COL21A1: variants seen among roughly 807,000 people sequenced by gnomAD.
COL21A1 encodes the protein collagen alpha-1(XXI) chain.
A neutral mutation model predicts 137.9 loss-of-function variants in COL21A1; 149 were observed. That is an observed-to-expected ratio of 1.08 (90% CI 0.95 to 1.24). The LOEUF (loss-of-function observed/expected upper bound fraction) is 1.24. COL21A1 is among the 50% of genes most tolerant of loss of function. COL21A1 has a pLI of 0.00. For missense variants in COL21A1, 1,167 were observed against 1,158.4 expected, an observed-to-expected ratio of 1.01 and a Z score of -0.11; for synonymous variants, 456 against 391.5, an observed-to-expected ratio of 1.16 and a Z score of -1.95.
chr6:56,349,113 T>TA (rs2152346584), intron 1 of COL21A1, among the ~76,000 whole-genome samples: 1 of 152,262 alleles, frequency 6.6e-6, no homozygotes, highest in East Asian at 1.9e-4. Flanking sequence ...AAGAGAAATT[T>TA]AAAATACCCT....
chr6:56,385,253 T>C (rs1324507090), intron 1 of COL21A1, among the ~76,000 whole-genome samples: 2 of 152,360 alleles, frequency 1.3e-5, no homozygotes, highest in Non-Finnish European at 2.9e-5. Context: ...TCTTTTGCTT[T>C]GCTTCGTTTT....
chr6:56,321,219 C>T (rs73448689), intron 1 of COL21A1, among the ~76,000 whole-genome samples: 27,663 of 151,972 alleles, frequency 0.18, 3,746 homozygotes, highest in African/African-American at 0.38. Context: ...TGTTTTAGAC[C>T]ATGTTTTCAA....
chr6:56,133,683 G>A (rs1459792971), intron 12 of COL21A1, among the ~76,000 whole-genome samples: 1 of 152,136 alleles, frequency 6.6e-6, no homozygotes, highest in Non-Finnish European at 1.5e-5. Flanking sequence ...ATGTTTTCAT[G>A]GGCCAGAGCC....
intron 1 of COL21A1, among the ~76,000 whole-genome samples, chr6:56,267,648 C>A (rs145589836): frequency 6.6e-6 from 1 of 150,746 alleles, no homozygotes; most frequent in Non-Finnish European, 1.5e-5. Flanking sequence ...CCCAGCTACT[C>A]GGGAGGCTGA....
intron 1 of COL21A1, among the ~76,000 whole-genome samples, chr6:56,228,984 A>T (rs562263373): frequency 6.6e-6 from 1 of 152,156 alleles, no homozygotes; most frequent in African/African-American, 2.4e-5. Flanking sequence ...ATGTGATATT[A>T]TATCTCTTTC....
intron 1 of COL21A1, among the ~76,000 whole-genome samples, chr6:56,183,744 A>G (rs968066041): frequency 6.6e-6 from 1 of 152,202 alleles, no homozygotes; most frequent in Non-Finnish European, 1.5e-5. Flanking sequence ...TAAATATCAG[A>G]AGTAGCAAAA....
At chr6:56,263,087 G>A (rs76563965) in intron 1 of COL21A1, among the ~76,000 whole-genome samples, 24,895 of 152,092 alleles carry the variant, frequency 0.16, 4,353 homozygotes, top group African/African-American at 0.44. Flanking sequence ...CAACCACTCC[G>A]CTCCTGCAAG....
intron 17 of COL21A1, among the ~76,000 whole-genome samples, chr6:56,097,943 A>AAATC: frequency 9.9e-6 from 1 of 100,890 alleles, no homozygotes. Flanking sequence ...ATAAAAATAT[A>AAATC]TATAAATATA....
At position 56,059,167 on chromosome 6, in the gene COL21A1, G is replaced by T. The variant is rs1221553849; in HGVS notation, c.2684C>A (p.Pro895Gln). ...TATGAGCAGGTAGCAATTCTCACCT[G>T]GGGGACCAGGAGGACCTTGTTCTCC... The part of the protein sequence containing the change: ...YPGEQGPPGP[P>Q]GPEGPPGISK... Residue 895 changes from proline to glutamine, a missense_variant and splice_region_variant, in exon 29 of 30, where the codon CCA (proline) becomes CAA (glutamine). Physicochemically the swap from Pro to Gln is moderately conservative, Grantham distance 76. Transcript: ENST00000244728. 1.2e-6 allele frequency: 2 copies of T among 1,611,080 alleles called. No individual in the cohort carries two copies. The highest frequency in any genetic ancestry group is 1.7e-6 in the Non-Finnish European group (2 of 1,178,336).
intron 1 of COL21A1, among the ~76,000 whole-genome samples, chr6:56,289,204 T>TA (rs1329225337): frequency 6.6e-6 from 1 of 152,206 alleles, no homozygotes; most frequent in Non-Finnish European, 1.5e-5. Flanking sequence ...TCTCAATTCT[T>TA]AAGGATATGC....
chr6:56,214,468 T>A (rs1438918372), intron 1 of COL21A1, among the ~76,000 whole-genome samples: 1 of 152,114 alleles, frequency 6.6e-6, no homozygotes, highest in Non-Finnish European at 1.5e-5. Context: ...ATGAACTAAG[T>A]TGTGCCAGAA....
chr6:56,079,305 C>CA (rs1171315427), intron 17 of COL21A1, among the ~76,000 whole-genome samples: 1 of 151,710 alleles, frequency 6.6e-6, no homozygotes, highest in Non-Finnish European at 1.5e-5. Flanking sequence ...CTAACGGGCA[C>CA]ATGTGATTAC....
At chr6:56,200,926 T>G (rs1437254772) in intron 1 of COL21A1, among the ~76,000 whole-genome samples, 2 of 152,308 alleles carry the variant, frequency 1.3e-5, no homozygotes, top group Non-Finnish European at 2.9e-5. Context: ...ACCAACAGTG[T>G]AAAAGTGTTC....
chr6:56,347,422 T>C (rs2152346302), intron 1 of COL21A1, among the ~76,000 whole-genome samples: 1 of 151,574 alleles, frequency 6.6e-6, no homozygotes, highest in African/African-American at 2.4e-5. Flanking sequence ...ATGCAATGGG[T>C]CTTACCAAAA....
intron 1 of COL21A1, among the ~76,000 whole-genome samples, chr6:56,260,639 GGAAGGAAGGAAGGAAGGAAT>G (rs1425070391): frequency 0.098 from 4,799 of 49,154 alleles, 338 homozygotes; most frequent in African/African-American, 0.23. Flanking sequence ...AAGGAAGGAA[GGAAGGAAGGAAGGAAGGAAT>G]GAAGGAAGGA....
chr6:56,074,989 G>A (rs1582254597), intron 19 of COL21A1, among the ~76,000 whole-genome samples: 1 of 150,178 alleles, frequency 6.7e-6, no homozygotes, highest in African/African-American at 2.4e-5. Flanking sequence ...TTTGGGGGGG[G>A]ATTCTTGCAC....
chr6:56,107,834 A>G (rs1771083873), intron 16 of COL21A1, among the ~76,000 whole-genome samples: 1 of 152,172 alleles, frequency 6.6e-6, no homozygotes, highest in Non-Finnish European at 1.5e-5. Flanking sequence ...GCTGGTGACA[A>G]ACACTGAGTA....
chr6:56,093,663 T>C (rs1158235509), intron 17 of COL21A1, among the ~76,000 whole-genome samples: 1 of 152,144 alleles, frequency 6.6e-6, no homozygotes, highest in Admixed American at 6.6e-5. Context: ...TAGTACATAA[T>C]TGAAGTTGAG....
chr6:56,097,886 T>A lies in COL21A1; in HGVS notation c.1812+3586A>T, dbSNP rs1232786854. On this transcript the variant is annotated intron_variant, in intron 17 of 29. Coordinates refer to ENST00000244728, the MANE Select transcript of COL21A1 (RefSeq NM_030820.4). ...ATAAAAATATCTATAAATATATAAA[T>A]ATATATAAATATATAAATATATAAA... 5.5e-5 allele frequency among the ~76,000 whole-genome samples: 5 copies of A among 90,216 alleles called. No homozygotes were observed. The East Asian group carries it at 1.0e-3, about 19-fold the overall frequency. The allele number at this position is 90,216 out of a possible 152,430, so 59.2% of individuals were successfully genotyped here.
Sources: allele counts gnomAD v4.1 joint callset (sites outside exome capture counted in the v4.1 genomes callset), GRCh38; gene constraint gnomAD v4.1.1; transcripts MANE v1.5; gene names NCBI Gene and HGNC (gene_info 2026-07-23, HGNC 2026-07-21).